FRZB: variants seen among roughly 807,000 people sequenced by gnomAD.
FRZB encodes secreted frizzled-related protein 3.
FRZB carries 34 observed loss-of-function variants against 32.5 expected under a neutral mutation model. The ratio of observed to expected loss-of-function variants is 1.05; its 90% CI spans 0.80 to 1.39. The LOEUF is 1.39. Ranked by LOEUF, FRZB falls within the 40% of genes most tolerant of loss-of-function variation. The probability of loss-of-function intolerance (pLI) is 0.00; values close to 1 mark genes in which losing one functional copy is unlikely to be tolerated. For synonymous variants in FRZB, 170 were observed against 159.2 expected (o/e 1.07, Z -0.51); for missense variants, 423 against 424.8 (o/e 1.00, Z 0.04).
At chr2:182,844,920 A>G (rs1240601953) in intron 2 of FRZB, among the ~76,000 whole-genome samples, 1 of 152,204 alleles carries the variant, frequency 6.6e-6, no homozygotes, top group Non-Finnish European at 1.5e-5. Flanking sequence ...CATACTAAAT[A>G]TATATTTTAA....
In FRZB at chr2:182,866,445, C is replaced by G. The variant is rs1695894009; in HGVS notation, c.108G>C (p.Glu36Asp). 6.3e-7 allele frequency: 1 copy of G among 1,582,148 alleles called. No homozygotes were observed. Among genetic ancestry groups the G allele is most frequent in the East Asian group, 2.3e-5 (1 of 44,412 alleles). Residue 36 changes from glutamate to aspartate, a missense_variant, in exon 1 of 6, where the codon GAG (glutamate) becomes GAC (aspartate). Physicochemically the swap from Glu to Asp is conservative, Grantham distance 45. Coordinates refer to ENST00000295113, the MANE Select transcript of FRZB (RefSeq NM_001463.4). This position sits in a 1 kb window ranked among gnomAD's most constrained non-coding sequence, Gnocchi z 4.5. ...ACTTGCACAGGGGGATGCGGACGGGCTCACAGGCTGCAGCCCGAGCCCCGG... is the reference window on the plus strand; with the variant it reads ...ACTTGCACAGGGGGATGCGGACGGGGTCACAGGCTGCAGCCCGAGCCCCGG... ...RVPGARAAAC[E>D]PVRIPLCKSL...
chr2:182,864,315 A>G (rs1441106589), intron 1 of FRZB, among the ~76,000 whole-genome samples: 2 of 152,152 alleles, frequency 1.3e-5, no homozygotes, highest in African/African-American at 4.8e-5. Flanking sequence ...GGAGGAATGC[A>G]TTTCAGCCTG....
rs1695839852 is a variant in FRZB at position 182,862,110 on chromosome 2, AG to A, written c.479-3278del. 2.6e-5 allele frequency among the ~76,000 whole-genome samples: 4 copies of A among 152,230 alleles called. No individual in the cohort carries two copies. In the East Asian group the frequency reaches 7.7e-4, roughly 29 times the overall value. ...TTGGCCCCTCAAATATTTGTAGAACAGGGCTAAAGAAAAGACTGCCTGTTTC... is the reference window on the plus strand; with the variant it reads ...TTGGCCCCTCAAATATTTGTAGAACAGGCTAAAGAAAAGACTGCCTGTTTC... On this transcript the variant is annotated intron_variant, in intron 1 of 5. Transcript: ENST00000295113.
chr2:182,853,850 G>A (rs896221854), intron 2 of FRZB, among the ~76,000 whole-genome samples: 5 of 152,110 alleles, frequency 3.3e-5, no homozygotes, highest in African/African-American at 4.8e-5. Flanking sequence ...GGTACTCATC[G>A]CAGCTATCAT....
intron 2 of FRZB, among the ~76,000 whole-genome samples, chr2:182,852,766 C>T (rs762369136): frequency 6.6e-6 from 1 of 152,176 alleles, no homozygotes; most frequent in South Asian, 2.1e-4. Context: ...CCATATTACA[C>T]GCTATGGAAA....
intron 2 of FRZB, among the ~76,000 whole-genome samples, chr2:182,845,386 G>C (rs1458049573): frequency 6.6e-6 from 1 of 151,998 alleles, no homozygotes; most frequent in African/African-American, 2.4e-5. Context: ...TTGTTTAATT[G>C]CTAGTAATCT....
intron 2 of FRZB, among the ~76,000 whole-genome samples, chr2:182,853,892 TA>T (rs1360418924): frequency 1.3e-5 from 2 of 152,176 alleles, no homozygotes; most frequent in Non-Finnish European, 2.9e-5. Context: ...TTAGTCATTG[TA>T]ACAAAAACTG....
At chr2:182,839,451 T>C (rs571827740) in intron 3 of FRZB, among the ~76,000 whole-genome samples, 2 of 152,204 alleles carry the variant, frequency 1.3e-5, no homozygotes, top group Admixed American at 1.3e-4. Flanking sequence ...TCACGTGCTA[T>C]GGAATATATT....
chr2:182,855,428 G>A (rs1695757699), intron 2 of FRZB, among the ~76,000 whole-genome samples: 1 of 152,058 alleles, frequency 6.6e-6, no homozygotes, highest in Admixed American at 6.6e-5. Context: ...AAGATAGAAA[G>A]TCTTACCAAA....
At chr2:182,865,336 T>G (rs1354954066) in intron 1 of FRZB, among the ~76,000 whole-genome samples, 1 of 152,168 alleles carries the variant, frequency 6.6e-6, no homozygotes, top group Non-Finnish European at 1.5e-5. Flanking sequence ...TGTGGGCATG[T>G]GAAAAGAGCT....
At chr2:182,858,417 CTA>C (rs1351383310) in intron 2 of FRZB, among the ~76,000 whole-genome samples, 1 of 152,076 alleles carries the variant, frequency 6.6e-6, no homozygotes, top group African/African-American at 2.4e-5. Context: ...ATAGAGAAAA[CTA>C]TAGTGATAAA....
intron 2 of FRZB, among the ~76,000 whole-genome samples, chr2:182,846,153 GAT>G (rs1695637739): frequency 6.6e-6 from 1 of 152,122 alleles, no homozygotes. Flanking sequence ...TAGTATTTTT[GAT>G]ATGATCTTAG....
intron 2 of FRZB, among the ~76,000 whole-genome samples, chr2:182,856,523 A>G (rs1695771522): frequency 6.6e-6 from 1 of 152,092 alleles, no homozygotes; most frequent in South Asian, 2.1e-4. Context: ...TCAAAAGACA[A>G]AGATCAACAG....
In FRZB at chr2:182,866,489, G is replaced by GAGCAGCCAGGGCA; in HGVS notation, c.51_63dup (p.Leu22CysfsTer19). On this transcript the variant is annotated frameshift_variant, in exon 1 of 6. Coordinates refer to ENST00000295113, the MANE Select transcript of FRZB (RefSeq NM_001463.4). LOFTEE classifies it high-confidence loss of function. The surrounding 1 kb of genome is among the most constrained non-coding windows in gnomAD (Gnocchi z 4.5). Reference sequence around the variant, plus strand: ...GCCCCGGGCACCCGGAGCAGGCAGAGAGCAGCCAGGGCAAGCAGCCCGGCC... The same window carrying GAGCAGCCAGGGCA: ...GCCCCGGGCACCCGGAGCAGGCAGAGAGCAGCCAGGGCAAGCAGCCAGGGCAAGCAGCCCGGCC... The GAGCAGCCAGGGCA allele has an allele frequency of 1.3e-6, 2 of 1,540,512 alleles. No individual in the cohort carries two copies. The highest frequency in any genetic ancestry group is 8.7e-7 in the Non-Finnish European group (1 of 1,143,086).
chr2:182,865,993 A>T, intron 1 of FRZB, 82 bp downstream of exon 1: 2 of 1,067,300 alleles, frequency 1.9e-6, no homozygotes, highest in Non-Finnish European at 2.8e-6. Context: ...GAAAAAAATT[A>T]GAGAGTAAAG....
intron 3 of FRZB, among the ~76,000 whole-genome samples, chr2:182,839,110 C>G (rs1695559446): frequency 6.6e-6 from 1 of 152,026 alleles, no homozygotes; most frequent in South Asian, 2.1e-4. Flanking sequence ...AAGTAGTGGG[C>G]CTCTGTAATG....
chr2:182,865,381 A>G (rs73042127), intron 1 of FRZB, among the ~76,000 whole-genome samples: 5,520 of 152,248 alleles, frequency 0.036, 252 homozygotes, highest in African/African-American at 0.12. Flanking sequence ...ATGGCAAGCC[A>G]CAGAAGCTAA....
At chr2:182,848,202 G>T (rs1176969487) in intron 2 of FRZB, among the ~76,000 whole-genome samples, 2 of 152,130 alleles carry the variant, frequency 1.3e-5, no homozygotes, top group East Asian at 1.9e-4. Context: ...ACCACTGAAA[G>T]GCCCAGAACT....
At position 182,852,737 on chromosome 2, in the gene FRZB, G is replaced by A. The variant is rs540131667; in HGVS notation, c.526+6049C>T. ...ATAGATCAAGTGACTAGGTGAAATA[G>A]AACAAAAATTGTTTTCCTCCATATT... is the stretch of plus-strand genomic sequence containing the variant. On this transcript the variant is annotated intron_variant, in intron 2 of 5. Coordinates refer to ENST00000295113, the MANE Select transcript of FRZB (RefSeq NM_001463.4). Among the ~76,000 whole-genome samples the A allele has an allele frequency of 2.8e-4, 42 of 152,186 alleles. No individual in the cohort carries two copies. In the Middle Eastern group the frequency reaches 0.01, roughly 37 times the overall value.
Sources: allele counts gnomAD v4.1 joint callset (sites outside exome capture counted in the v4.1 genomes callset), GRCh38; gene constraint gnomAD v4.1.1; non-coding constraint Gnocchi (gnomAD v3.1); transcripts MANE v1.5; gene names NCBI Gene and HGNC (gene_info 2026-07-23, HGNC 2026-07-21).